The following RORA variants were observed in gnomAD, a reference collection of about 807,000 sequenced individuals.
RORA encodes nuclear receptor ROR-alpha.
RORA carries 7 observed loss-of-function variants against 69.5 expected under a neutral mutation model. The ratio of observed to expected loss-of-function variants is 0.10; its 90% CI spans 0.06 to 0.19. The LOEUF (loss-of-function observed/expected upper bound fraction) is 0.19. Among genes scored for constraint, RORA ranks in the 10% least tolerant of loss-of-function variants. The pLI is 1.00. For missense variants in RORA, 457 were observed against 663.0 expected, an observed-to-expected ratio of 0.69 and a Z score of 3.41; for synonymous variants, 261 against 240.8, an observed-to-expected ratio of 1.08 and a Z score of -0.78.
rs1384963591 is a variant in RORA at position 61,149,497 on chromosome 15, C to CTTAT, written c.166+79552_166+79555dup. Among the ~76,000 whole-genome samples, 11 of 152,196 alleles carry CTTAT rather than the reference C, an allele frequency of 7.2e-5. No individual in the cohort carries two copies. The South Asian group carries it at 1.2e-3, about 17-fold the overall frequency. On this transcript the variant is annotated intron_variant, in intron 1 of 10. Coordinates refer to ENST00000335670, the MANE Select transcript of RORA (RefSeq NM_134261.3). ...ACTATTCTCTCTAAATCATTTCCTTCTTATTTATTTATTTATTGCCTTTCC... is the reference window on the plus strand; with the variant it reads ...ACTATTCTCTCTAAATCATTTCCTTCTTATTTATTTATTTATTTATTGCCTTTCC...
At chr15:61,117,336 T>G (rs113388145) in intron 1 of RORA, among the ~76,000 whole-genome samples, 4,784 of 152,318 alleles carry the variant, frequency 0.031, 97 homozygotes, top group Non-Finnish European at 0.049. Flanking sequence ...TTATCTACCA[T>G]GATTTGATTA....
At chr15:60,863,614 A>T (rs1474882143) in intron 1 of RORA, among the ~76,000 whole-genome samples, 1 of 152,188 alleles carries the variant, frequency 6.6e-6, no homozygotes, top group Non-Finnish European at 1.5e-5. Context: ...ATTCCCTCAC[A>T]TGTAAAATAG....
At chr15:61,124,886 T>A (rs888823444) in intron 1 of RORA, among the ~76,000 whole-genome samples, 1 of 152,216 alleles carries the variant, frequency 6.6e-6, no homozygotes, top group Non-Finnish European at 1.5e-5. Context: ...ATCCCCTTTT[T>A]ATTCCATTAT....
intron 2 of RORA, among the ~76,000 whole-genome samples, chr15:60,667,367 G>A (rs2070395809): frequency 6.6e-6 from 1 of 152,086 alleles, no homozygotes; most frequent in African/African-American, 2.4e-5. Flanking sequence ...TTCCTGTGTT[G>A]CTTGTTGAGA....
intron 2 of RORA, among the ~76,000 whole-genome samples, chr15:60,568,122 C>T (rs187081683): frequency 1.1e-3 from 173 of 152,276 alleles, no homozygotes; most frequent in Non-Finnish European, 2.0e-3. Context: ...AGTTGAGAAC[C>T]ACTGTTTTAT....
chr15:61,178,721 T>TA (rs1162953510), intron 1 of RORA, among the ~76,000 whole-genome samples: 1 of 151,860 alleles, frequency 6.6e-6, no homozygotes, highest in African/African-American at 2.4e-5. Context: ...ACACAAATAC[T>TA]AAAAAGGAAT....
At chr15:60,848,581 C>T (rs1363366897) in intron 1 of RORA, 1 of 152,286 alleles carries the variant, frequency 6.6e-6, no homozygotes, top group Non-Finnish European at 1.5e-5. Context: ...CAGAGAACTA[C>T]CTGACACTGC....
chr15:60,533,548 T>G (rs758153485), intron 2 of RORA, among the ~76,000 whole-genome samples: 9 of 152,186 alleles, frequency 5.9e-5, no homozygotes, highest in Non-Finnish European at 1.0e-4. Flanking sequence ...ATGTTTAATA[T>G]AGTCAAGGCA....
Position 60,531,867 on chromosome 15 carries a change from G to T in RORA, c.197-16C>A. 2 of 1,521,804 alleles carry T rather than the reference G, an allele frequency of 1.3e-6. No homozygotes were observed. Among genetic ancestry groups the T allele is most frequent in the Non-Finnish European group, 1.8e-6 (2 of 1,115,360 alleles). The allele number at this position is 1,521,804 out of a possible 1,614,324, so 94.3% of individuals were successfully genotyped here. ...TCAATTTGAGCTGCAACAGAAGCAC[G>T]CAACCAGTTAATTACATTTTCTTTT... On this transcript the variant is annotated splice_polypyrimidine_tract_variant and intron_variant, in intron 2 of 10. Coordinates refer to ENST00000335670, the MANE Select transcript of RORA (RefSeq NM_134261.3). The surrounding 1 kb of genome is among the most constrained non-coding windows in gnomAD (Gnocchi z 4.8).
intron 2 of RORA, among the ~76,000 whole-genome samples, chr15:60,620,883 G>T (rs550569592): frequency 2.0e-5 from 3 of 152,348 alleles, no homozygotes; most frequent in African/African-American, 7.2e-5. Flanking sequence ...GAGCCGGCAC[G>T]GAAAGTTACT....
chr15:61,130,545 C>T (rs2079181312), intron 1 of RORA, among the ~76,000 whole-genome samples: 1 of 152,136 alleles, frequency 6.6e-6, no homozygotes, highest in Non-Finnish European at 1.5e-5. Context: ...GATATGAGTT[C>T]AAACTGTGTT....
intron 1 of RORA, among the ~76,000 whole-genome samples, chr15:61,085,278 G>T (rs1353878753): frequency 2.6e-5 from 4 of 152,156 alleles, no homozygotes; most frequent in Admixed American, 6.5e-5. Context: ...ACCTGGCTGG[G>T]CACTGTGACT....
intron 5 of RORA, among the ~76,000 whole-genome samples, chr15:60,508,365 T>C (rs1028107481): frequency 6.6e-6 from 1 of 152,214 alleles, no homozygotes; most frequent in Non-Finnish European, 1.5e-5. Flanking sequence ...CAGATTTTCA[T>C]AGTGGGAAGG....
At chr15:60,717,312 G>C (rs2071233089) in intron 1 of RORA, among the ~76,000 whole-genome samples, 1 of 152,188 alleles carries the variant, frequency 6.6e-6, no homozygotes. Context: ...CCCTGAGCTT[G>C]TTATGGTAGA....
chr15:60,500,043 A>G, intron 9 of RORA, 39 bp from the exon 10 acceptor site: 1 of 1,253,922 alleles, frequency 8.0e-7, no homozygotes. Flanking sequence ...CATTCCTCTG[A>G]CATGGTGTCA....
chr15:60,504,039 G>A lies in RORA; in HGVS notation c.943-372C>T, dbSNP rs1376202855. On this transcript the variant is annotated intron_variant, in intron 6 of 10. Transcript: ENST00000335670. ...GCTGGTCTTGAACTCCGGACCTCAAGTGTTGTCTGCCTGGGCCTCCCAAAG... is the reference window on the plus strand; with the variant it reads ...GCTGGTCTTGAACTCCGGACCTCAAATGTTGTCTGCCTGGGCCTCCCAAAG... 2.6e-5 allele frequency among the ~76,000 whole-genome samples: 4 copies of A among 151,992 alleles called. No homozygotes were observed. The East Asian group carries it at 7.8e-4, about 30-fold the overall frequency.
At chr15:60,742,096 T>G (rs1567175380) in intron 1 of RORA, among the ~76,000 whole-genome samples, 1 of 152,298 alleles carries the variant, frequency 6.6e-6, no homozygotes, top group East Asian at 1.9e-4. Context: ...TGGAGATATA[T>G]CTATATCTAT....
intron 1 of RORA, among the ~76,000 whole-genome samples, chr15:60,730,074 T>C (rs1180467512): frequency 6.6e-6 from 1 of 152,058 alleles, no homozygotes; most frequent in Non-Finnish European, 1.5e-5. Flanking sequence ...ACAGCGAATG[T>C]TGGGGAAGGA....
chr15:60,785,975 GTA>G (rs5813036), intron 1 of RORA, among the ~76,000 whole-genome samples: 152,354 of 152,372 alleles, frequency 1, 76,168 homozygotes, highest in Non-Finnish European at 1. Context: ...TTGGTACTCA[GTA>G]TAACTATTTG....
Sources: allele counts gnomAD v4.1 joint callset (sites outside exome capture counted in the v4.1 genomes callset), GRCh38; gene constraint gnomAD v4.1.1; non-coding constraint Gnocchi (gnomAD v3.1); transcripts MANE v1.5; gene names NCBI Gene and HGNC (gene_info 2026-07-23, HGNC 2026-07-21).